FAM186B: variants seen among roughly 807,000 people sequenced by gnomAD.
FAM186B encodes protein FAM186B.
A neutral mutation model predicts 83.4 loss-of-function variants in FAM186B; 68 were observed. The observed-to-expected ratio is 0.81, with a 90% confidence interval of 0.67 to 1.00. The LOEUF (loss-of-function observed/expected upper bound fraction) is 1.00. Ranked by LOEUF, FAM186B falls within the 50% of genes least tolerant of loss-of-function variation. FAM186B has a pLI of 0.00. For missense variants in FAM186B, 983 were observed against 1,099.2 expected (o/e 0.89, Z 1.49); for synonymous variants, 389 against 422.0 (o/e 0.92, Z 0.96).
chr12:49,599,464 C>A lies in FAM186B; in HGVS notation c.2171+5G>T. 6.6e-7 allele frequency: 1 copy of A among 1,522,784 alleles called. No homozygotes were observed. Among genetic ancestry groups the A allele is most frequent in the Non-Finnish European group, 8.8e-7 (1 of 1,137,878 alleles). The allele number at this position is 1,522,784 out of a possible 1,614,324, so 94.3% of individuals were successfully genotyped here. On this transcript the variant is annotated splice_donor_5th_base_variant and intron_variant, in intron 4 of 6. Transcript: ENST00000257894. The stretch of plus-strand genomic sequence containing the variant: ...GGTGCCAGGTGGGTTCCAGGGAGGA[C>A]CTACCGGAGGCTCTGGAGGCGTCTA...
chr12:49,589,234 A>T (rs1238551255), intron 5 of FAM186B, among the ~76,000 whole-genome samples: 1 of 152,100 alleles, frequency 6.6e-6, no homozygotes, highest in Non-Finnish European at 1.5e-5. Context: ...GGCCACTGCC[A>T]CTCAAGACTC....
chr12:49,592,700 C>T lies in FAM186B; in HGVS notation c.2365-4077G>A, dbSNP rs571776119. On this transcript the variant is annotated intron_variant, in intron 5 of 6. Coordinates refer to ENST00000257894, the MANE Select transcript of FAM186B (RefSeq NM_032130.3). ...ACTCAGGAGGCTGAGGCATGAGAAT[C>T]GCTTGAATCCAGGAGGCGGAGGTTA... Among the ~76,000 whole-genome samples, 4 of 152,232 alleles carry T rather than the reference C, an allele frequency of 2.6e-5. No individual in the cohort carries two copies. In the East Asian group the frequency reaches 7.7e-4, roughly 29 times the overall value.
In FAM186B at chr12:49,600,101, C is replaced by T; in HGVS notation, c.1539G>A (p.Glu513=). The T allele has an allele frequency of 6.2e-7, 1 of 1,611,960 alleles. No individual in the cohort carries two copies. Among genetic ancestry groups the T allele is most frequent in the Non-Finnish European group, 8.5e-7 (1 of 1,178,918 alleles). ...RQKKWALLEQ[E]HQEKLRQWNL... is the part of the protein sequence containing the mutation. The stretch of plus-strand genomic sequence containing the variant: ...TCCACTGCCGCAGCTTCTCCTGATG[C>T]TCCTGCTCCAGCAGGGCCCACTTCT... The change falls in exon 4 of 7, where the codon GAG becomes GAA. Residue 513 remains glutamate (E), a synonymous_variant. Transcript: ENST00000257894. This position sits in a 1 kb window ranked among gnomAD's most constrained non-coding sequence, Gnocchi z 4.3.
chr12:49,595,268 T>A (rs1435495386), intron 5 of FAM186B: 3 of 695,672 alleles, frequency 4.3e-6, no homozygotes, highest in Non-Finnish European at 7.6e-6. Context: ...AGCCTTGATG[T>A]TTTCATTTGT....
downstream of FAM186B, chr12:49,584,182 G>C (rs996004176): frequency 6.3e-6 from 2 of 319,966 alleles, no homozygotes; most frequent in African/African-American, 4.2e-5. Context: ...GCCAATCACA[G>C]CTATCTCGGC....
intron 5 of FAM186B, among the ~76,000 whole-genome samples, chr12:49,589,628 G>A (rs1211489756): frequency 1.3e-5 from 2 of 151,774 alleles, no homozygotes; most frequent in African/African-American, 4.8e-5. Flanking sequence ...ATCTAGAAAC[G>A]GGCAAAACAT....
chr12:49,615,763 C>T, the FAM186B span, among the ~76,000 whole-genome samples: 2 of 150,956 alleles, frequency 1.3e-5, no homozygotes, highest in Non-Finnish European at 2.9e-5. Flanking sequence ...CACTCCAGCC[C>T]GGGCAACAGA....
At position 49,587,788 on chromosome 12, in the gene FAM186B, C is replaced by G. The variant is rs1034013669; in HGVS notation, c.2535-36G>C. 118 of 1,589,148 alleles carry G rather than the reference C, an allele frequency of 7.4e-5. No homozygotes were observed. The East Asian group carries it at 1.8e-3, about 24-fold the overall frequency. On this transcript the variant is annotated intron_variant, in intron 6 of 6. Transcript: ENST00000257894. ...GGAGTTTGGAGAATGTGAAAAGCAA[C>G]AGAGAGAGATTGAGATGCAAGAGAC...
chr12:49,616,431 C>T, the FAM186B span, among the ~76,000 whole-genome samples: 7 of 152,260 alleles, frequency 4.6e-5, no homozygotes, highest in East Asian at 1.3e-3. Flanking sequence ...TAAATCTATA[C>T]AGAAGTATTG....
downstream of FAM186B, among the ~76,000 whole-genome samples, chr12:49,585,613 C>T (rs1472228062): frequency 1.3e-5 from 2 of 152,232 alleles, no homozygotes; most frequent in Non-Finnish European, 2.9e-5. Flanking sequence ...CCCCAGTGGG[C>T]TCAGAGATGA....
upstream of FAM186B, among the ~76,000 whole-genome samples, chr12:49,609,491 G>A (rs1303094567): frequency 1.3e-5 from 2 of 152,184 alleles, no homozygotes; most frequent in African/African-American, 4.8e-5. Flanking sequence ...AGAGACCATG[G>A]TGAAGAGGCA....
intron 5 of FAM186B, among the ~76,000 whole-genome samples, chr12:49,591,891 T>C (rs561496292): frequency 6.6e-6 from 1 of 152,330 alleles, no homozygotes; most frequent in South Asian, 2.1e-4. Flanking sequence ...GTAGTTGTTA[T>C]ACTGTTTAGG....
At chr12:49,603,895 G>GT (rs1422814249) in intron 2 of FAM186B, among the ~76,000 whole-genome samples, 3 of 152,320 alleles carry the variant, frequency 2.0e-5, no homozygotes. Flanking sequence ...TCTGAGCTGA[G>GT]TGGGGGGTAG....
rs145523159 is a variant in FAM186B, at chr12:49,598,887, C to A, written c.2232G>T (p.Gln744His). 1.6e-5 allele frequency: 26 copies of A among 1,613,544 alleles called. No individual in the cohort carries two copies. The highest frequency in any genetic ancestry group is 4.0e-5 in the African/African-American group (3 of 74,746). ...TGTTTTCCAGGAAGATGTAGAGGTT[C>A]TGGGCCTTGTAGGAAGCCTCCGTTT... ...MKETEASYKA[Q>H]NLYIFLENID... is the part of the protein sequence containing the mutation. Residue 744 changes from glutamine to histidine, a missense_variant, in exon 5 of 7, where the codon CAG (glutamine) becomes CAT (histidine). By Grantham distance (24) the Gln-to-His change is conservative (BLOSUM62 0). Transcript: ENST00000257894.
chr12:49,611,716 G>C, the FAM186B span, among the ~76,000 whole-genome samples: 1 of 18,296 alleles, frequency 5.5e-5, no homozygotes, highest in East Asian at 1.8e-3. Context: ...AGAATTAGCT[G>C]AGCACAGTGG....
chr12:49,605,391 C>T lies in FAM186B; in HGVS notation c.87G>A (p.Arg29=), dbSNP rs140980069. 4.8e-4 allele frequency: 768 copies of T among 1,612,882 alleles called. 4 individuals carry two copies. The African/African-American group carries it at 8.5e-3, about 18-fold the overall frequency. Residue 29 remains arginine (R), a synonymous_variant, in exon 1 of 7, where the codon CGG becomes CGA. Coordinates refer to ENST00000257894, the MANE Select transcript of FAM186B (RefSeq NM_032130.3). ...ILRIEAAQLT[R]AQEDISTQLS... Reference sequence around the variant, plus strand: ...TCATCTCAGGGGCTACCTCTTGAGCCCGAGTTAGCTGGGCAGCCTCAATCC... The same window carrying T: ...TCATCTCAGGGGCTACCTCTTGAGCTCGAGTTAGCTGGGCAGCCTCAATCC...
chr12:49,596,325 A>G (rs1462600965), intron 5 of FAM186B, among the ~76,000 whole-genome samples: 3 of 140,212 alleles, frequency 2.1e-5, no homozygotes, highest in Non-Finnish European at 3.0e-5. Context: ...CCCCGTCTCA[A>G]AAAAAAAAAA....
At chr12:49,589,760 ATCATGAGG>A (rs1219339883) in intron 5 of FAM186B, among the ~76,000 whole-genome samples, 1 of 152,130 alleles carries the variant, frequency 6.6e-6, no homozygotes, top group Non-Finnish European at 1.5e-5. Context: ...AGTCAGGCAG[ATCATGAGG>A]TCAAGAGATT....
chr12:49,619,663 ATCTC>A, the FAM186B span: 1 of 323,756 alleles, frequency 3.1e-6, no homozygotes, highest in Non-Finnish European at 5.7e-6. Context: ...TTAGTTAGAC[ATCTC>A]TTTTTTTTTT....
Sources: allele counts gnomAD v4.1 joint callset (sites outside exome capture counted in the v4.1 genomes callset), GRCh38; gene constraint gnomAD v4.1.1; non-coding constraint Gnocchi (gnomAD v3.1); transcripts MANE v1.5; gene names NCBI Gene and HGNC (gene_info 2026-07-23, HGNC 2026-07-21).